The following ZDHHC14 variants were observed in gnomAD, a reference collection of about 807,000 sequenced individuals.
ZDHHC14 encodes palmitoyltransferase ZDHHC14.
A neutral mutation model predicts 47.7 loss-of-function variants in ZDHHC14; 16 were observed. The ratio of observed to expected loss-of-function variants is 0.34; its 90% CI spans 0.23 to 0.51. ZDHHC14 has a LOEUF of 0.51. Ranked by LOEUF, ZDHHC14 falls within the 20% of genes least tolerant of loss-of-function variation. The probability of loss-of-function intolerance (pLI) is 0.97; values close to 1 mark genes in which losing one functional copy is unlikely to be tolerated. For synonymous variants in ZDHHC14, 293 were observed against 278.9 expected (o/e 1.05, Z -0.50); for missense variants, 515 against 662.5 (o/e 0.78, Z 2.44).
intron 8 of ZDHHC14, among the ~76,000 whole-genome samples, chr6:157,662,259 G>A (rs758793726): frequency 6.6e-6 from 1 of 152,160 alleles, no homozygotes; most frequent in Non-Finnish European, 1.5e-5. Flanking sequence ...TCTGCTCACT[G>A]CACTCTTGAC....
chr6:157,656,981 C>T (rs1778128678), intron 8 of ZDHHC14, among the ~76,000 whole-genome samples: 1 of 152,136 alleles, frequency 6.6e-6, no homozygotes, highest in Non-Finnish European at 1.5e-5. Flanking sequence ...CTCTGCCATG[C>T]ATACCTGAGT....
intron 7 of ZDHHC14, among the ~76,000 whole-genome samples, chr6:157,649,281 C>T (rs142977463): frequency 1.7e-4 from 26 of 152,276 alleles, no homozygotes; most frequent in African/African-American, 4.8e-4. Flanking sequence ...GAAGGGGCTC[C>T]GGGGGAGGCT....
intron 4 of ZDHHC14, chr6:157,630,932 TCA>T (rs746385262): frequency 2.6e-4 from 36 of 139,820 alleles, no homozygotes; most frequent in Non-Finnish European, 4.8e-4. Flanking sequence ...ACTGTCACAC[TCA>T]CATGTACCCT....
intron 1 of ZDHHC14, among the ~76,000 whole-genome samples, chr6:157,470,096 C>T (rs946639796): frequency 1.3e-5 from 2 of 152,164 alleles, no homozygotes; most frequent in African/African-American, 4.8e-5. Flanking sequence ...CTATCAGGTA[C>T]TCTCTGATGA....
chr6:157,483,539 A>G (rs775096090), intron 1 of ZDHHC14, among the ~76,000 whole-genome samples: 34 of 152,332 alleles, frequency 2.2e-4, no homozygotes, highest in Middle Eastern at 3.4e-3. Context: ...ACTTAGGCTC[A>G]CAGTAATGAT....
chr6:157,607,672 C>T (rs1271277843), intron 3 of ZDHHC14, among the ~76,000 whole-genome samples: 3 of 152,172 alleles, frequency 2.0e-5, no homozygotes, highest in Non-Finnish European at 2.9e-5. Context: ...AAACCATCTT[C>T]ATGGCTGTTT....
chr6:157,409,849 G>GGA (rs1777838981), intron 1 of ZDHHC14, among the ~76,000 whole-genome samples: 1 of 151,372 alleles, frequency 6.6e-6, no homozygotes, highest in African/African-American at 2.4e-5. Flanking sequence ...TGGGGGGGGG[G>GGA]ACAGAGTCTT....
chr6:157,571,924 G>A (rs1323170368), intron 2 of ZDHHC14, among the ~76,000 whole-genome samples: 6 of 151,888 alleles, frequency 4.0e-5, no homozygotes, highest in South Asian at 2.1e-4. Flanking sequence ...GTGCACCTAC[G>A]GCAAGGCTCC....
At chr6:157,550,317 A>G (rs1782171300) in intron 2 of ZDHHC14, among the ~76,000 whole-genome samples, 1 of 152,026 alleles carries the variant, frequency 6.6e-6, no homozygotes, top group African/African-American at 2.4e-5. Context: ...TCACACAGGC[A>G]TTCTAGAGAG....
At chr6:157,529,174 A>G (rs142312394) in intron 1 of ZDHHC14, 1 of 154,914 alleles carries the variant, frequency 6.5e-6, no homozygotes, top group Non-Finnish European at 1.5e-5. Flanking sequence ...CAATAGATAC[A>G]GTTCCACACT....
At chr6:157,531,140 A>G (rs1451975133) in intron 1 of ZDHHC14, among the ~76,000 whole-genome samples, 3 of 152,126 alleles carry the variant, frequency 2.0e-5, no homozygotes, top group Non-Finnish European at 4.4e-5. Context: ...ATCGCTTTGC[A>G]GTTCGCCACC....
intron 8 of ZDHHC14, among the ~76,000 whole-genome samples, chr6:157,668,030 G>T (rs1014394471): frequency 6.6e-6 from 1 of 152,152 alleles, no homozygotes; most frequent in Non-Finnish European, 1.5e-5. Flanking sequence ...CCTGGTCCCC[G>T]TGTGCCCCAA....
Position 157,672,849 on chromosome 6 carries a change from C to T in ZDHHC14, c.1194C>T (p.Gly398=), listed in dbSNP as rs1292796155. Residue 398 remains glycine, a synonymous_variant, in exon 9 of 9, where the codon GGC becomes GGT. Transcript: ENST00000359775. ...ELHLPGKPGL[G]TPCASLTLGP... ...ACCTGCCCGGGAAGCCTGGCCTGGG[C>T]ACGCCCTGCGCCAGCCTCACACTGG... 1 of 1,610,312 alleles carries T rather than the reference C, an allele frequency of 6.2e-7. No individual in the cohort carries two copies.
At chr6:157,556,717 C>G (rs892313497) in intron 2 of ZDHHC14, among the ~76,000 whole-genome samples, 5 of 152,016 alleles carry the variant, frequency 3.3e-5, no homozygotes, top group Non-Finnish European at 7.4e-5. Context: ...GCCGAGGCCC[C>G]GGGGCTGGAA....
chr6:157,647,143 A>G (rs780598998), intron 6 of ZDHHC14, 116 bp from the exon 7 acceptor site: 1 of 718,342 alleles, frequency 1.4e-6, no homozygotes, highest in Non-Finnish European at 2.3e-6. Flanking sequence ...AAATACCTCC[A>G]TTTCTTTGGA....
chr6:157,432,757 CCACTGA>C (rs1278717572), intron 1 of ZDHHC14, among the ~76,000 whole-genome samples: 13 of 152,194 alleles, frequency 8.5e-5, no homozygotes, highest in Non-Finnish European at 1.9e-4. Context: ...GCCCCGTAAA[CCACTGA>C]CACGAGCCAC....
At position 157,582,028 on chromosome 6, in the gene ZDHHC14, TGGAACTACA is replaced by T. The variant is rs1783538891; in HGVS notation, c.407-10957_407-10949del. On this transcript the variant is annotated intron_variant, in intron 2 of 8. Transcript: ENST00000359775. This position sits in a 1 kb window ranked among gnomAD's most constrained non-coding sequence, Gnocchi z 4.3. ...CACCCACCTCAACCTCCTGAGTAGC[TGGAACTACA>T]GGCACACGCCACCATGCCTGGCTAA... is the stretch of plus-strand genomic sequence containing the variant. Among the ~76,000 whole-genome samples, 1 of 152,136 alleles carries T rather than the reference TGGAACTACA, an allele frequency of 6.6e-6. No homozygotes were observed. The highest frequency in any genetic ancestry group is 2.1e-4 in the South Asian group (1 of 4,820).
rs1473209645 is a variant in ZDHHC14, at chr6:157,586,480, G to A, written c.407-6508G>A. ...TGTTTTGAGCATAGGCTCCATGGAA[G>A]ATCGTGCAAGGAGAGAGAAGGTTCA... is the stretch of plus-strand genomic sequence containing the variant. On this transcript the variant is annotated intron_variant, in intron 2 of 8. Coordinates refer to ENST00000359775, the MANE Select transcript of ZDHHC14 (RefSeq NM_024630.3). This position sits in a 1 kb window ranked among gnomAD's most constrained non-coding sequence, Gnocchi z 4.6. Among the ~76,000 whole-genome samples, 1 of 152,226 alleles carries A rather than the reference G, an allele frequency of 6.6e-6. No homozygotes were observed. Among genetic ancestry groups the A allele is most frequent in the Non-Finnish European group, 1.5e-5 (1 of 68,042 alleles).
intron 1 of ZDHHC14, among the ~76,000 whole-genome samples, chr6:157,508,868 G>T (rs1318498193): frequency 2.0e-5 from 3 of 152,046 alleles, no homozygotes; most frequent in African/African-American, 7.2e-5. Context: ...TTAGTGTCCT[G>T]TTCTTGCTTT....
Sources: gnomAD v4.1 joint callset for allele counts (sites outside exome capture counted in the v4.1 genomes callset) on GRCh38, gnomAD v4.1.1 for gene constraint, Gnocchi (gnomAD v3.1) non-coding constraint, MANE v1.5 for transcripts, NCBI Gene and HGNC (gene_info 2026-07-23, HGNC 2026-07-21) for gene names.